LRRK2: variants seen among roughly 807,000 people sequenced by gnomAD.
LRRK2 encodes the protein leucine-rich repeat serine/threonine-protein kinase 2.
A neutral mutation model predicts 302.6 loss-of-function variants in LRRK2; 203 were observed. The ratio of observed to expected loss-of-function variants is 0.67; its 90% CI spans 0.60 to 0.75. The LOEUF (loss-of-function observed/expected upper bound fraction) is 0.75. Among genes scored for constraint, LRRK2 ranks in the 30% least tolerant of loss-of-function variants. The pLI is 0.00. For missense variants in LRRK2, 2,830 were observed against 2,951.0 expected (o/e 0.96, Z 0.95); for synonymous variants, 1,066 against 1,031.9 (o/e 1.03, Z -0.63).
intron 2 of LRRK2, among the ~76,000 whole-genome samples, chr12:40,229,886 C>T (rs779340375): frequency 6.7e-6 from 1 of 149,596 alleles, no homozygotes; most frequent in Non-Finnish European, 1.5e-5. Flanking sequence ...GCTTCACCAA[C>T]CAAAACAAAC....
In LRRK2 at chr12:40,238,010, T is replaced by A. The variant is rs746884528; in HGVS notation, c.478T>A (p.Phe160Ile). Residue 160 changes from phenylalanine to isoleucine, a missense_variant, in exon 5 of 51, where the codon TTC becomes ATC. Physicochemically the swap from Phe to Ile is conservative, Grantham distance 21. This residue lies in a region of LRRK2 where 2,121 missense variants were observed against 2,148.0 expected (regional missense o/e 0.99). Coordinates refer to ENST00000298910, the MANE Select transcript of LRRK2 (RefSeq NM_198578.4). ...LLILDEESDIFMLIFDAMHSF... is the reference protein window; with the variant it reads ...LLILDEESDIIMLIFDAMHSF... Reference sequence around the variant, plus strand: ...GATATTGGATGAAGAAAGTGATATTTTCATGTTAATTTTTGATGCCATGCA... The same window carrying A: ...GATATTGGATGAAGAAAGTGATATTATCATGTTAATTTTTGATGCCATGCA... 1.5e-5 allele frequency: 24 copies of A among 1,613,226 alleles called. No homozygotes were observed. In the Admixed American group the frequency reaches 3.2e-4, roughly 21 times the overall value.
chr12:40,319,943 T>A, intron 33 of LRRK2, 45 bp from the exon 34 acceptor site: 2 of 1,561,762 alleles, frequency 1.3e-6, no homozygotes, highest in Middle Eastern at 1.9e-4. Flanking sequence ...TTGCAACATT[T>A]CAGAAAATAA....
Position 40,225,009 on chromosome 12 carries a change from G to T in LRRK2, c.-123G>T, listed in dbSNP as rs1940791083. The T allele has an allele frequency of 1.5e-6, 2 of 1,310,282 alleles. No individual in the cohort carries two copies. Among genetic ancestry groups the T allele is most frequent in the Admixed American group, 2.0e-5 (1 of 50,284 alleles). The allele number at this position is 1,310,282 out of a possible 1,614,324, so 81.2% of individuals were successfully genotyped here. On this transcript the variant is annotated 5_prime_UTR_variant, in exon 1 of 51. Transcript: ENST00000298910. Reference sequence around the variant, plus strand: ...CGTGGGCGCCGATGGGGCCCGCGGGGAGCGCTGGCTGCGGGCGGTGAGCTG... The same window carrying T: ...CGTGGGCGCCGATGGGGCCCGCGGGTAGCGCTGGCTGCGGGCGGTGAGCTG...
chr12:40,307,485 A>T (rs1944865208), intron 28 of LRRK2, among the ~76,000 whole-genome samples: 2 of 152,122 alleles, frequency 1.3e-5, no homozygotes, highest in African/African-American at 4.8e-5. Flanking sequence ...CATTAAGATC[A>T]TTAGGAATGA....
intron 13 of LRRK2, among the ~76,000 whole-genome samples, chr12:40,261,664 G>A (rs1302873089): frequency 6.6e-6 from 1 of 152,078 alleles, no homozygotes; most frequent in Non-Finnish European, 1.5e-5. Flanking sequence ...AGTAACTATG[G>A]TAGCAATACT....
chr12:40,309,471 T>G (rs1944962750), intron 30 of LRRK2, among the ~76,000 whole-genome samples: 1 of 152,182 alleles, frequency 6.6e-6, no homozygotes, highest in Admixed American at 6.6e-5. Context: ...TCTTTTATGC[T>G]GTAAAACTTG....
chr12:40,294,131 TCATC>T (rs1944278252), intron 21 of LRRK2, among the ~76,000 whole-genome samples: 2 of 100,654 alleles, frequency 2.0e-5, no homozygotes, highest in African/African-American at 3.6e-5. Flanking sequence ...TATCTATCTA[TCATC>T]TATCTATCTA....
chr12:40,323,729 C>G (rs1019115413), intron 38 of LRRK2, among the ~76,000 whole-genome samples: 3 of 151,526 alleles, frequency 2.0e-5, no homozygotes, highest in Admixed American at 1.3e-4. Flanking sequence ...ATGCTGAATT[C>G]TCATAGAAAT....
chr12:40,306,083 C>A, intron 28 of LRRK2, 117 bp downstream of exon 28: 4 of 759,864 alleles, frequency 5.3e-6, no homozygotes, highest in South Asian at 1.9e-5. Flanking sequence ...TAATATTTGG[C>A]ATTAATATGC....
chr12:40,233,845 A>G (rs565190957), intron 3 of LRRK2, among the ~76,000 whole-genome samples: 8 of 152,242 alleles, frequency 5.3e-5, no homozygotes, highest in African/African-American at 1.9e-4. Flanking sequence ...TCATTCACTC[A>G]CTTTGTTCAT....
intron 48 of LRRK2, 42 bp downstream of exon 48, chr12:40,363,596 C>G: frequency 6.3e-7 from 1 of 1,594,302 alleles, no homozygotes; most frequent in Non-Finnish European, 8.6e-7. Flanking sequence ...AAAGAATTAT[C>G]TTTGCACTTC....
intron 35 of LRRK2, 83 bp from the exon 36 acceptor site, chr12:40,321,952 A>T (rs1945414986): frequency 7.4e-7 from 1 of 1,349,764 alleles, no homozygotes; most frequent in African/African-American, 1.4e-5. Context: ...ATAGATCTGT[A>T]TTACAATCAC....
In LRRK2 at chr12:40,346,906, T is replaced by G. The variant is rs1455640861; in HGVS notation, c.6263T>G (p.Ile2088Arg). The G allele has an allele frequency of 1.9e-6, 3 of 1,611,434 alleles. No individual in the cohort carries two copies. In the African/African-American group the frequency reaches 4.0e-5, roughly 22 times the overall value. Residue 2088 changes from isoleucine (I) to arginine (R), a missense_variant, in exon 42 of 51, where the codon ATA becomes AGA. Ile to Arg is a moderately conservative substitution (Grantham distance 97). Around this residue, in one of 3 missense-constraint regions of LRRK2, gnomAD observed 253 missense variants for 346.7 expected, o/e 0.73. Coordinates refer to ENST00000298910, the MANE Select transcript of LRRK2 (RefSeq NM_198578.4). ...CCAAATGAGTTTGATGAATTAGAAA[T>G]ACAAGGAAAATTACCTGGTAAGTTC... ...KFPNEFDELE[I>R]QGKLPDPVKE...
At chr12:40,249,795 G>C (rs762352064) in intron 7 of LRRK2, 31 bp from the exon 8 acceptor site, 11 of 1,611,388 alleles carry the variant, frequency 6.8e-6, no homozygotes, top group Non-Finnish European at 9.3e-6. Context: ...CCATGGATGA[G>C]AATTCAGCTA....
chr12:40,246,874 A>G (rs969756459), intron 7 of LRRK2, among the ~76,000 whole-genome samples: 1 of 151,648 alleles, frequency 6.6e-6, no homozygotes, highest in Non-Finnish European at 1.5e-5. Context: ...TTCTTTTTGA[A>G]CTCCCTCTGC....
chr12:40,290,164 G>A (rs1483603321), intron 20 of LRRK2, among the ~76,000 whole-genome samples: 2 of 151,916 alleles, frequency 1.3e-5, no homozygotes, highest in Non-Finnish European at 2.9e-5. Context: ...ATGCTCTTCA[G>A]CATCTGCTGA....
At chr12:40,351,515 T>C (rs756934103) in intron 43 of LRRK2, 24 bp from the exon 44 acceptor site, 1 of 1,609,946 alleles carries the variant, frequency 6.2e-7, no homozygotes, top group Non-Finnish European at 8.5e-7. Context: ...TAAGTACTGT[T>C]TTGTTATCTT....
At chr12:40,315,697 T>G (rs4768227) in intron 33 of LRRK2, among the ~76,000 whole-genome samples, 86,052 of 151,776 alleles carry the variant, frequency 0.57, 24,538 homozygotes, top group South Asian at 0.7. Flanking sequence ...AACATGGAGG[T>G]GAGTTTTGAC....
chr12:40,352,086 T>G (rs1946369652), intron 44 of LRRK2, among the ~76,000 whole-genome samples: 1 of 152,166 alleles, frequency 6.6e-6, no homozygotes, highest in East Asian at 1.9e-4. Context: ...CTCTGGAATA[T>G]GAATAGGAGC....
Sources: allele counts gnomAD v4.1 joint callset (sites outside exome capture counted in the v4.1 genomes callset), GRCh38; gene constraint gnomAD v4.1.1; regional missense constraint gnomAD v4.1.1; transcripts MANE v1.5; gene names NCBI Gene and HGNC (gene_info 2026-07-23, HGNC 2026-07-21).